Variants in TRIM62 observed in about 807,000 individuals in gnomAD.
TRIM62 encodes the protein E3 ubiquitin-protein ligase TRIM62.
TRIM62 carries 39 observed loss-of-function variants against 44.2 expected under a neutral mutation model. The ratio of observed to expected loss-of-function variants is 0.88; its 90% CI spans 0.68 to 1.15. TRIM62 has a LOEUF of 1.15. Among genes scored for constraint, TRIM62 ranks in the 50% most tolerant of loss-of-function variants. TRIM62 has a pLI of 0.00. For synonymous variants in TRIM62, 278 were observed against 292.3 expected, an observed-to-expected ratio of 0.95 and a Z score of 0.50; for missense variants, 544 against 665.5, an observed-to-expected ratio of 0.82 and a Z score of 2.01.
At chr1:33,174,365 A>G (rs1035147970) in intron 1 of TRIM62, among the ~76,000 whole-genome samples, 4 of 151,974 alleles carry the variant, frequency 2.6e-5, no homozygotes, top group African/African-American at 4.8e-5. Flanking sequence ...TGCATTTTTT[A>G]TAGAGATAGG....
intron 1 of TRIM62, among the ~76,000 whole-genome samples, chr1:33,166,788 C>G (rs1645331283): frequency 6.6e-6 from 1 of 152,218 alleles, no homozygotes; most frequent in Admixed American, 6.5e-5. Context: ...AAAACACAAT[C>G]AGCCTCACTG....
chr1:33,152,364 G>A (rs957426946), intron 4 of TRIM62, among the ~76,000 whole-genome samples: 2 of 152,164 alleles, frequency 1.3e-5, no homozygotes, highest in Non-Finnish European at 2.9e-5. Flanking sequence ...TCCGGAGTTC[G>A]AGATCAGCCT....
intron 3 of TRIM62, 135 bp from the exon 4 acceptor site, chr1:33,158,503 A>G (rs112811575): frequency 6.0e-6 from 4 of 665,174 alleles, no homozygotes; most frequent in Non-Finnish European, 1.1e-5. Context: ...CTCAGATTCA[A>G]GTGCCTGCTT....
intron 1 of TRIM62, 72 bp downstream of exon 1, chr1:33,180,953 T>TGGG: frequency 4.1e-6 from 3 of 724,324 alleles, no homozygotes; most frequent in Non-Finnish European, 5.9e-6. Context: ...GGTCCAGCCC[T>TGGG]GACCCCACCC....
At chr1:33,171,980 C>CTGGT (rs1645378131) in intron 1 of TRIM62, among the ~76,000 whole-genome samples, 1 of 152,080 alleles carries the variant, frequency 6.6e-6, no homozygotes, top group East Asian at 1.9e-4. Context: ...TGGGGTTTCA[C>CTGGT]CATGTTGGTC....
At chr1:33,180,836 C>T (rs566990828) in intron 1 of TRIM62, among the ~76,000 whole-genome samples, 189 bp downstream of exon 1, 4 of 151,334 alleles carry the variant, frequency 2.6e-5, no homozygotes, top group Admixed American at 2.0e-4. Context: ...CCCCCACGGC[C>T]CCGCCATGCG....
chr1:33,160,202 A>G (rs1645245615), intron 2 of TRIM62, among the ~76,000 whole-genome samples: 1 of 152,110 alleles, frequency 6.6e-6, no homozygotes, highest in Non-Finnish European at 1.5e-5. Flanking sequence ...ATGGTGAGGA[A>G]CACGGTTTGA....
At position 33,167,891 on chromosome 1, in the gene TRIM62, G is replaced by T. The variant is rs138062580; in HGVS notation, c.409-2325C>A. Among the ~76,000 whole-genome samples, 185 of 152,280 alleles carry T rather than the reference G, an allele frequency of 1.2e-3. 2 individuals carry two copies. The highest frequency in any genetic ancestry group is 4.2e-3 in the African/African-American group (176 of 41,534). Reference sequence around the variant, plus strand: ...ATTATTCATTTAAAAAACATTTCTTGGGCAACTATTATGTACCAGGCACTG... The same window carrying T: ...ATTATTCATTTAAAAAACATTTCTTTGGCAACTATTATGTACCAGGCACTG... On this transcript the variant is annotated intron_variant, in intron 1 of 4. Transcript: ENST00000291416. This position sits in a 1 kb window ranked among gnomAD's most constrained non-coding sequence, Gnocchi z 4.2.
At chr1:33,149,350 C>T (rs1352219201) in intron 4 of TRIM62, among the ~76,000 whole-genome samples, 6 of 152,028 alleles carry the variant, frequency 3.9e-5, no homozygotes, top group South Asian at 4.1e-4. Context: ...GACAGGGTTT[C>T]GTCATGTTGG....
At chr1:33,180,984 G>A (rs1466850594) in intron 1 of TRIM62, 41 bp downstream of exon 1, 6 of 1,072,410 alleles carry the variant, frequency 5.6e-6, no homozygotes, top group African/African-American at 4.6e-5. Flanking sequence ...CCCACCTCCA[G>A]CCCGGCCCCG....
In TRIM62 at chr1:33,167,641, C is replaced by T. The variant is rs1052769916; in HGVS notation, c.409-2075G>A. ...CGTGAATGAAGTTCCTGGAAATGGC[C>T]TCTGAGTTCCCCAAGTCAGTCTGGG... On this transcript the variant is annotated intron_variant, in intron 1 of 4. Transcript: ENST00000291416. This position sits in a 1 kb window ranked among gnomAD's most constrained non-coding sequence, Gnocchi z 4.2. Among the ~76,000 whole-genome samples the T allele has an allele frequency of 6.6e-5, 10 of 152,194 alleles. No homozygotes were observed. The highest frequency in any genetic ancestry group is 2.4e-4 in the African/African-American group (10 of 41,444).
At chr1:33,175,148 C>T (rs984696901) in intron 1 of TRIM62, among the ~76,000 whole-genome samples, 5 of 151,778 alleles carry the variant, frequency 3.3e-5, no homozygotes, top group African/African-American at 4.8e-5. Context: ...AAGCGATTCT[C>T]GTGCCTCAGC....
chr1:33,171,495 A>G (rs1178459580), intron 1 of TRIM62, among the ~76,000 whole-genome samples: 4 of 152,158 alleles, frequency 2.6e-5, no homozygotes, highest in Non-Finnish European at 4.4e-5. Context: ...TCCATGTTCA[A>G]AATCTCTTGG....
At chr1:33,164,242 G>T (rs1295654604) in intron 2 of TRIM62, 1 of 152,312 alleles carries the variant, frequency 6.6e-6, no homozygotes, top group Non-Finnish European at 1.5e-5. Flanking sequence ...CCCCACAGTG[G>T]GTTGGTGGCC....
At chr1:33,180,809 G>T (rs1472038915) in intron 1 of TRIM62, among the ~76,000 whole-genome samples, 1 of 152,132 alleles carries the variant, frequency 6.6e-6, no homozygotes, top group Admixed American at 6.5e-5. Context: ...TCAGGGTCCG[G>T]ACTGCCCAAG....
rs865931373 is a variant in TRIM62 at position 33,146,057 on chromosome 1, T to C, written c.*1120A>G. On this transcript the variant is annotated 3_prime_UTR_variant, in exon 5 of 5. Transcript: ENST00000291416. Reference sequence around the variant, plus strand: ...TTCTGCAGTCAGCAGCTTTCTGGCATAGTGGCTTCCTGCAGATGGGGGCAG... The same window carrying C: ...TTCTGCAGTCAGCAGCTTTCTGGCACAGTGGCTTCCTGCAGATGGGGGCAG... 5.5e-6 allele frequency: 2 copies of C among 363,130 alleles called. No individual in the cohort carries two copies. Among genetic ancestry groups the C allele is most frequent in the Middle Eastern group, 4.2e-4 (1 of 2,364 alleles). 22.5% of individuals were successfully genotyped at this position (363,130 alleles called of 1,614,324 possible).
intron 1 of TRIM62, chr1:33,166,334 C>T (rs1189249758): frequency 1.3e-5 from 2 of 151,926 alleles, no homozygotes; most frequent in Non-Finnish European, 2.9e-5. Context: ...ATCACCCCAC[C>T]CCCACCCCCT....
rs777073092 is a variant in TRIM62, at chr1:33,176,269, C to T, written c.408+4756G>A. ...CAGAAAGCAGGAGGGCTAGTTCTTA[C>T]TTCCATTTCTCAGATTGGGTAAGAG... is the stretch of plus-strand genomic sequence containing the variant. On this transcript the variant is annotated intron_variant, in intron 1 of 4. Coordinates refer to ENST00000291416, the MANE Select transcript of TRIM62 (RefSeq NM_018207.3). 49 of 500,920 alleles carry T rather than the reference C, an allele frequency of 9.8e-5. 1 individual carries two copies. Among genetic ancestry groups the T allele is most frequent in the Non-Finnish European group, 5.5e-5 (15 of 272,516 alleles). The allele number at this position is 500,920 out of a possible 1,614,324, so 31.0% of individuals were successfully genotyped here.
rs1557756592 is a variant in TRIM62 at position 33,161,814 on chromosome 1, A to G, written c.505-1870T>C. ...CTCTGCAGCACTTAGCCCACTCGCC[A>G]CCCTCTCCTAGTTGAAAGTTCTGCT... On this transcript the variant is annotated intron_variant, in intron 2 of 4. Coordinates refer to ENST00000291416, the MANE Select transcript of TRIM62 (RefSeq NM_018207.3). This position sits in a 1 kb window ranked among gnomAD's most constrained non-coding sequence, Gnocchi z 4.3. Among the ~76,000 whole-genome samples, 1 of 151,884 alleles carries G rather than the reference A, an allele frequency of 6.6e-6. No homozygotes were observed. Among genetic ancestry groups the G allele is most frequent in the South Asian group, 2.1e-4 (1 of 4,800 alleles).
Sources: allele counts gnomAD v4.1 joint callset (sites outside exome capture counted in the v4.1 genomes callset), GRCh38; gene constraint gnomAD v4.1.1; non-coding constraint Gnocchi (gnomAD v3.1); transcripts MANE v1.5; gene names NCBI Gene and HGNC (gene_info 2026-07-23, HGNC 2026-07-21).